UBAP2: variants seen among roughly 807,000 people sequenced by gnomAD.
The protein encoded by UBAP2 is ubiquitin-associated protein 2.
A neutral mutation model predicts 139.6 loss-of-function variants in UBAP2; 75 were observed. The ratio of observed to expected loss-of-function variants is 0.54; its 90% confidence interval spans 0.45 to 0.65. The LOEUF (loss-of-function observed/expected upper bound fraction) is 0.65, where lower values mean the gene tolerates loss of function less well. Among genes scored for constraint, UBAP2 ranks in the 30% least tolerant of loss-of-function variants. UBAP2 has a pLI of 0.00. For missense variants in UBAP2, 1,368 were observed against 1,369.6 expected, an observed-to-expected ratio of 1.00 and a Z score of 0.02; for synonymous variants, 526 against 526.2, an observed-to-expected ratio of 1.00 and a Z score of 0.01.
At chr9:33,966,590 C>A (rs1827476732) in intron 8 of UBAP2, among the ~76,000 whole-genome samples, 2 of 152,230 alleles carry the variant, frequency 1.3e-5, no homozygotes, top group South Asian at 4.1e-4. Context: ...AATTCATGAA[C>A]ACTGAATATG....
intron 1 of UBAP2, among the ~76,000 whole-genome samples, chr9:34,018,229 A>AT (rs34798627): frequency 2.0e-4 from 28 of 142,278 alleles, no homozygotes; most frequent in South Asian, 1.3e-3. Context: ...AGCGATTACA[A>AT]TTTTTTTTTT....
At chr9:33,928,428 C>T (rs307690) in intron 19 of UBAP2, 6,247 of 156,660 alleles carry the variant, frequency 0.04, 276 homozygotes, top group African/African-American at 0.1. Context: ...GGAAGCCCAG[C>T]GTAAGTCTCA....
chr9:34,014,090 AG>A (rs747200147), intron 2 of UBAP2, among the ~76,000 whole-genome samples: 5 of 151,528 alleles, frequency 3.3e-5, no homozygotes, highest in Admixed American at 2.0e-4. Flanking sequence ...TGGGAGATCA[AG>A]GGGGGGACAG....
intron 1 of UBAP2, among the ~76,000 whole-genome samples, chr9:34,031,214 T>C (rs1587689120): frequency 6.6e-6 from 1 of 150,908 alleles, no homozygotes; most frequent in Non-Finnish European, 1.5e-5. Context: ...GAAGCGGAGG[T>C]TGCAGTGAGT....
At chr9:33,978,551 T>C (rs890240220) in intron 6 of UBAP2, among the ~76,000 whole-genome samples, 4 of 151,954 alleles carry the variant, frequency 2.6e-5, no homozygotes, top group African/African-American at 9.7e-5. Flanking sequence ...GGCAGGCGGA[T>C]CACGAGATCA....
intron 16 of UBAP2, among the ~76,000 whole-genome samples, chr9:33,938,465 C>T (rs1824790156): frequency 6.6e-6 from 1 of 152,094 alleles, no homozygotes; most frequent in South Asian, 2.1e-4. Context: ...AGAAATGTTA[C>T]ACGATAAGCT....
At chr9:34,029,986 C>T (rs998527602) in intron 1 of UBAP2, among the ~76,000 whole-genome samples, 3 of 125,548 alleles carry the variant, frequency 2.4e-5, no homozygotes, top group Non-Finnish European at 3.3e-5. Context: ...GACTCCATCT[C>T]GAAAAAAAAA....
chr9:34,027,948 A>G (rs1564070034), intron 1 of UBAP2, among the ~76,000 whole-genome samples: 1 of 151,322 alleles, frequency 6.6e-6, no homozygotes, highest in Non-Finnish European at 1.5e-5. Context: ...CCCGTAATCG[A>G]GGAGAGAACA....
chr9:33,946,979 C>T (rs1825698710), intron 13 of UBAP2, among the ~76,000 whole-genome samples: 1 of 152,198 alleles, frequency 6.6e-6, no homozygotes, highest in African/African-American at 2.4e-5. Context: ...AGGGTGCCAA[C>T]ACACTAACCT....
chr9:33,990,637 A>T (rs1438699089), intron 4 of UBAP2, among the ~76,000 whole-genome samples: 9 of 132,638 alleles, frequency 6.8e-5, no homozygotes, highest in Admixed American at 1.7e-4. Flanking sequence ...GTACCCCCCA[A>T]TTTTTTTTTT....
intron 6 of UBAP2, among the ~76,000 whole-genome samples, chr9:33,977,328 C>T (rs946126607): frequency 6.6e-6 from 1 of 151,976 alleles, no homozygotes; most frequent in Non-Finnish European, 1.5e-5. Flanking sequence ...TGAACCACCG[C>T]GCCCAGCCAA....
intron 1 of UBAP2, among the ~76,000 whole-genome samples, chr9:34,038,765 C>T (rs1419971672): frequency 6.6e-6 from 1 of 151,138 alleles, no homozygotes; most frequent in Non-Finnish European, 1.5e-5. Context: ...TGTGAGGAGC[C>T]CCTCTGCCCT....
At chr9:34,004,626 T>C (rs577700030) in intron 2 of UBAP2, among the ~76,000 whole-genome samples, 1 of 149,436 alleles carries the variant, frequency 6.7e-6, no homozygotes, top group African/African-American at 2.5e-5. Context: ...ACTAAAAAAA[T>C]ACAAAAAATT....
At position 33,983,896 on chromosome 9, in the gene UBAP2, A is replaced by G. The variant is rs117989099; in HGVS notation, c.520+2864T>C. 2.0e-3 allele frequency among the ~76,000 whole-genome samples: 305 copies of G among 152,266 alleles called. 4 individuals carry two copies. The East Asian group carries it at 0.036, about 18-fold the overall frequency. On this transcript the variant is annotated intron_variant, in intron 6 of 28. Coordinates refer to ENST00000379238, the MANE Select transcript of UBAP2 (RefSeq NM_001370062.2). ...TGGCATATGACAAGAAACTTTACCT[A>G]GAATAATACTGAATCCCTGGGATTT...
At chr9:33,965,986 C>CA (rs1827418559) in intron 8 of UBAP2, among the ~76,000 whole-genome samples, 1 of 150,082 alleles carries the variant, frequency 6.7e-6, no homozygotes, top group Non-Finnish European at 1.5e-5. Context: ...GGAGGCAGAG[C>CA]CTGCAGTGAG....
intron 1 of UBAP2, among the ~76,000 whole-genome samples, chr9:34,018,635 G>A (rs1032917848): frequency 1.3e-5 from 2 of 152,080 alleles, no homozygotes; most frequent in Non-Finnish European, 2.9e-5. Context: ...AGGCCAAGGC[G>A]GGAGGACCAC....
chr9:34,009,566 T>A (rs1037643517), intron 2 of UBAP2, among the ~76,000 whole-genome samples: 1 of 152,024 alleles, frequency 6.6e-6, no homozygotes, highest in African/African-American at 2.4e-5. Context: ...CGGTTCAAAA[T>A]GTTTTTTTAT....
rs1343540959 is a variant in UBAP2 at position 33,935,597 on chromosome 9, G to A, written c.1969+242C>T. 1.6e-5 allele frequency: 9 copies of A among 567,068 alleles called. No homozygotes were observed. The East Asian group carries it at 2.8e-4, about 17-fold the overall frequency. 35.1% of individuals were successfully genotyped at this position (567,068 alleles called of 1,614,324 possible). On this transcript the variant is annotated intron_variant, in intron 17 of 28. Transcript: ENST00000379238. ...ATCTTTAAAATGCATACTGTATGCT[G>A]CACTTGTGGTGCAGTCTGATTAGGG...
At position 33,927,914 on chromosome 9, in the gene UBAP2, C is replaced by T. The variant is rs1363621175; in HGVS notation, c.2254G>A (p.Ala752Thr). The change falls in exon 20 of 29, where the codon GCA becomes ACA. Residue 752 changes from alanine (A) to threonine (T), a missense_variant. Physicochemically the swap from Ala to Thr is moderately conservative, Grantham distance 58 (BLOSUM62 0). Transcript: ENST00000379238. The part of the protein sequence containing the change: ...STAATSVSSS[A>T]SSGASLSSSM... ...CTGGACAGGCTGGCGCCTGAGGATG[C>T]GGAACTTGAGACGGAGGTCGCTGCC... 1.2e-5 allele frequency: 20 copies of T among 1,614,042 alleles called. No homozygotes were observed. The highest frequency in any genetic ancestry group is 2.2e-5 in the South Asian group (2 of 91,078).
Sources: gnomAD v4.1 joint callset for allele counts (sites outside exome capture counted in the v4.1 genomes callset) on GRCh38, gnomAD v4.1.1 for gene constraint, MANE v1.5 for transcripts, NCBI Gene and HGNC (gene_info 2026-07-23, HGNC 2026-07-21) for gene names.